The following SNAP91 variants were observed in gnomAD, a reference collection of about 807,000 sequenced individuals.
The protein encoded by SNAP91 is clathrin coat assembly protein AP180.
Under a neutral mutation model 100.3 loss-of-function variants are expected in SNAP91, and 27 were observed. That is an observed-to-expected ratio of 0.27 (90% CI 0.20 to 0.37). SNAP91 has a LOEUF of 0.37. SNAP91 is among the 10% of genes least tolerant of loss of function. The pLI, the probability that SNAP91 is intolerant of heterozygous loss-of-function variation, is 1.00. For synonymous variants in SNAP91, 404 were observed against 398.6 expected (o/e 1.01, Z -0.16); for missense variants, 986 against 1,123.7 (o/e 0.88, Z 1.75).
chr6:83,566,139 G>A (rs140136244), intron 26 of SNAP91, among the ~76,000 whole-genome samples: 12 of 152,112 alleles, frequency 7.9e-5, no homozygotes, highest in African/African-American at 2.2e-4. Flanking sequence ...TACATGCTTC[G>A]ACATGGATAA....
chr6:83,559,268 C>G (rs1783528280), intron 28 of SNAP91, among the ~76,000 whole-genome samples: 1 of 152,128 alleles, frequency 6.6e-6, no homozygotes, highest in Non-Finnish European at 1.5e-5. Context: ...TTGAGTTCCA[C>G]AAAATGGGTA....
At chr6:83,657,258 G>A (rs1032273132) in intron 6 of SNAP91, among the ~76,000 whole-genome samples, 17 of 152,150 alleles carry the variant, frequency 1.1e-4, no homozygotes, top group Non-Finnish European at 2.1e-4. Context: ...ATGACTCAGT[G>A]TGGAAGAACA....
chr6:83,594,671 A>C (rs960682906), intron 16 of SNAP91, 190 bp from the exon 17 acceptor site: 1 of 507,238 alleles, frequency 2.0e-6, no homozygotes, highest in Non-Finnish European at 3.5e-6. Context: ...ATGTTAGTTA[A>C]CATGCAAGTG....
At chr6:83,560,972 A>G in intron 26 of SNAP91, 25 bp from the exon 27 acceptor site, 1 of 1,497,978 alleles carries the variant, frequency 6.7e-7, no homozygotes, top group Non-Finnish European at 9.1e-7. Context: ...AGACATACAC[A>G]TATAAATAAC....
rs1364888244 is a variant in SNAP91, at chr6:83,574,968, G to T, written c.2442+42C>A. 15 of 1,340,138 alleles carry T rather than the reference G, an allele frequency of 1.1e-5. No homozygotes were observed. In the Admixed American group the frequency reaches 1.6e-4, roughly 15 times the overall value. The allele number at this position is 1,340,138 out of a possible 1,614,324, so 83.0% of individuals were successfully genotyped here. ...ACGCTACTTTACACACTTGGAAACT[G>T]GCAAACTGCCTGCGCTGCCCTGGGC... is the stretch of plus-strand genomic sequence containing the variant. On this transcript the variant is annotated intron_variant, in intron 26 of 29. Transcript: ENST00000369694.
At chr6:83,568,192 G>T (rs566734415) in intron 26 of SNAP91, among the ~76,000 whole-genome samples, 3 of 152,266 alleles carry the variant, frequency 2.0e-5, no homozygotes, top group South Asian at 4.2e-4. Context: ...CACGTCTTTT[G>T]TAGGGACATG....
At chr6:83,575,176 A>C (rs1816159859) in intron 25 of SNAP91, 55 bp from the exon 26 acceptor site, 3 of 1,234,444 alleles carry the variant, frequency 2.4e-6, no homozygotes, top group Non-Finnish European at 3.5e-6. Flanking sequence ...AATCAGAAAA[A>C]AATGGTGTGT....
At chr6:83,680,557 C>A (rs1468709219) in intron 2 of SNAP91, among the ~76,000 whole-genome samples, 1 of 152,142 alleles carries the variant, frequency 6.6e-6, no homozygotes, top group African/African-American at 2.4e-5. Flanking sequence ...AAACTTAATT[C>A]TTCTTAGTTC....
At chr6:83,682,228 A>T (rs1406106863) in intron 2 of SNAP91, among the ~76,000 whole-genome samples, 1 of 134,110 alleles carries the variant, frequency 7.5e-6, no homozygotes, top group Non-Finnish European at 1.5e-5. Flanking sequence ...TGCAGGCTGG[A>T]GTACGGTGGT....
intron 27 of SNAP91, 100 bp from the exon 28 acceptor site, chr6:83,560,308 G>T: frequency 1.2e-6 from 1 of 800,408 alleles, no homozygotes; most frequent in Non-Finnish European, 2.1e-6. Flanking sequence ...CAATATTTGA[G>T]GAATCCAGGA....
intron 24 of SNAP91, among the ~76,000 whole-genome samples, chr6:83,578,540 G>T (rs548724857): frequency 6.6e-6 from 1 of 152,210 alleles, no homozygotes; most frequent in East Asian, 1.9e-4. Flanking sequence ...GGGTCAAAAG[G>T]TCTATTCAAA....
chr6:83,694,922 C>T (rs75851361), intron 2 of SNAP91, among the ~76,000 whole-genome samples: 6,327 of 152,130 alleles, frequency 0.042, 443 homozygotes, highest in African/African-American at 0.14. Context: ...AACTGACAGA[C>T]AATATTTTGA....
intron 2 of SNAP91, among the ~76,000 whole-genome samples, chr6:83,699,644 T>C (rs1296706777): frequency 6.6e-6 from 1 of 152,200 alleles, no homozygotes; most frequent in African/African-American, 2.4e-5. Context: ...CTGAGAATTT[T>C]CCAGACTTGA....
intron 2 of SNAP91, among the ~76,000 whole-genome samples, chr6:83,681,030 C>T (rs2098981722): frequency 6.6e-6 from 1 of 151,862 alleles, no homozygotes; most frequent in Admixed American, 6.6e-5. Context: ...ACAATTATAA[C>T]CAAAAAAAGA....
chr6:83,598,263 A>G (rs192304334), intron 16 of SNAP91, among the ~76,000 whole-genome samples: 1 of 152,324 alleles, frequency 6.6e-6, no homozygotes, highest in East Asian at 1.9e-4. Flanking sequence ...CCTGTTCTGC[A>G]TGATCATAAA....
intron 13 of SNAP91, 114 bp downstream of exon 13, chr6:83,607,585 A>T (rs564529372): frequency 3.2e-6 from 2 of 625,346 alleles, no homozygotes; most frequent in East Asian, 6.1e-5. Flanking sequence ...AAAAACTTCA[A>T]CATTACTAGG....
At chr6:83,564,633 G>T (rs1008062049) in intron 26 of SNAP91, among the ~76,000 whole-genome samples, 2 of 151,972 alleles carry the variant, frequency 1.3e-5, no homozygotes, top group Non-Finnish European at 2.9e-5. Flanking sequence ...CCAAAGTACT[G>T]GGATTAGAGG....
intron 2 of SNAP91, chr6:83,690,424 A>G (rs2099115992): frequency 7.8e-7 from 1 of 1,288,510 alleles, no homozygotes; most frequent in African/African-American, 1.5e-5. Context: ...TTGTTGAAAG[A>G]AGGTTTGTAG....
chr6:83,637,468 C>A (rs965058750), intron 8 of SNAP91, among the ~76,000 whole-genome samples: 1 of 152,140 alleles, frequency 6.6e-6, no homozygotes, highest in African/African-American at 2.4e-5. Flanking sequence ...TGGAAAAGTG[C>A]CTGTGGCCCA....
Sources: gnomAD v4.1 joint callset for allele counts (sites outside exome capture counted in the v4.1 genomes callset) on GRCh38, gnomAD v4.1.1 for gene constraint, MANE v1.5 for transcripts, NCBI Gene and HGNC (gene_info 2026-07-23, HGNC 2026-07-21) for gene names.